Variants in ZNF407 observed in about 807,000 individuals in gnomAD.
The protein encoded by ZNF407 is zinc finger protein 407.
In ZNF407, 17 loss-of-function variants were observed where a neutral mutation model predicts 131.2. The ratio of observed to expected loss-of-function variants is 0.13; its 90% CI spans 0.09 to 0.19. The LOEUF is 0.19. Ranked by LOEUF, ZNF407 falls within the 10% of genes least tolerant of loss-of-function variation. The pLI is 1.00. For missense variants in ZNF407, 2,681 were observed against 2,830.6 expected, an observed-to-expected ratio of 0.95 and a Z score of 1.20; for synonymous variants, 1,156 against 1,062.0, an observed-to-expected ratio of 1.09 and a Z score of -1.72.
At chr18:75,020,517 G>A (rs1973097890) in intron 8 of ZNF407, among the ~76,000 whole-genome samples, 1 of 152,104 alleles carries the variant, frequency 6.6e-6, no homozygotes, top group Non-Finnish European at 1.5e-5. Context: ...AAAGTTATCT[G>A]CTGCTCATAA....
At chr18:74,779,823 T>C (rs1221218048) in intron 3 of ZNF407, among the ~76,000 whole-genome samples, 1 of 152,182 alleles carries the variant, frequency 6.6e-6, no homozygotes, top group East Asian at 1.9e-4. Context: ...TACTTGGTCG[T>C]GTAAATAAGC....
chr18:74,621,637 G>C (rs1465148008), intron 1 of ZNF407, among the ~76,000 whole-genome samples: 2 of 152,052 alleles, frequency 1.3e-5, no homozygotes. Flanking sequence ...CCTAGGGGAG[G>C]GCATGCAGGA....
chr18:74,972,529 C>T (rs1028013501), intron 8 of ZNF407, among the ~76,000 whole-genome samples: 2 of 152,224 alleles, frequency 1.3e-5, no homozygotes, highest in South Asian at 2.1e-4. Context: ...TATCTGATCA[C>T]GTCTAGTCTG....
intron 3 of ZNF407, among the ~76,000 whole-genome samples, chr18:74,761,648 C>T (rs1442002421): frequency 2.6e-5 from 4 of 152,030 alleles, no homozygotes; most frequent in Non-Finnish European, 4.4e-5. Context: ...AGCTTTTAGG[C>T]CTGTTGCTGT....
chr18:74,895,021 G>C (rs1224656764), intron 7 of ZNF407, among the ~76,000 whole-genome samples: 1 of 151,562 alleles, frequency 6.6e-6, no homozygotes, highest in African/African-American at 2.4e-5. Context: ...TCATAACCCT[G>C]AGTAGAAAGT....
chr18:74,807,137 G>T (rs1488724445), intron 4 of ZNF407, among the ~76,000 whole-genome samples: 1 of 152,130 alleles, frequency 6.6e-6, no homozygotes, highest in Non-Finnish European at 1.5e-5. Context: ...AGGCTTTTCG[G>T]GCAAATTAGC....
intron 4 of ZNF407, among the ~76,000 whole-genome samples, chr18:74,844,132 C>G (rs940437186): frequency 2.0e-5 from 3 of 152,168 alleles, no homozygotes; most frequent in African/African-American, 7.2e-5. Flanking sequence ...CTCTACTGCC[C>G]TGCTCCTCTA....
chr18:74,916,640 G>GTA (rs1212288430), intron 7 of ZNF407, among the ~76,000 whole-genome samples: 10 of 140,504 alleles, frequency 7.1e-5, no homozygotes, highest in Non-Finnish European at 1.1e-4. Context: ...GTGTGTGTGT[G>GTA]TGTGTGTGTG....
chr18:74,880,555 T>A (rs954894355), intron 5 of ZNF407, among the ~76,000 whole-genome samples: 5 of 152,170 alleles, frequency 3.3e-5, no homozygotes, highest in African/African-American at 1.2e-4. Context: ...AAGGAAGTGA[T>A]TAAGGAAGAC....
At chr18:74,647,532 A>G (rs1197125626) in intron 3 of ZNF407, among the ~76,000 whole-genome samples, 1 of 151,630 alleles carries the variant, frequency 6.6e-6, no homozygotes, top group Non-Finnish European at 1.5e-5. Flanking sequence ...CATTCTCCTG[A>G]TTTCCTTTGC....
intron 3 of ZNF407, among the ~76,000 whole-genome samples, chr18:74,656,962 G>A (rs1254221678): frequency 6.6e-6 from 1 of 151,756 alleles, no homozygotes; most frequent in Admixed American, 6.6e-5. Context: ...ATACTGTGTT[G>A]TATTGCTTAT....
chr18:74,612,607 G>A lies in ZNF407; in HGVS notation c.-54+14670G>A, dbSNP rs538959098. On this transcript the variant is annotated intron_variant, in intron 1 of 8. Transcript: ENST00000299687. ...AGATATGAAAAAGAAGACTGGATTC[G>A]ATGATAATTATTAATACTTACTGAG... is the stretch of plus-strand genomic sequence containing the variant. 2.9e-4 allele frequency among the ~76,000 whole-genome samples: 44 copies of A among 152,170 alleles called. No individual in the cohort carries two copies. In the South Asian group the frequency reaches 8.9e-3, roughly 31 times the overall value.
intron 1 of ZNF407, among the ~76,000 whole-genome samples, chr18:74,599,346 T>G (rs1325536907): frequency 6.6e-6 from 1 of 152,168 alleles, no homozygotes; most frequent in Non-Finnish European, 1.5e-5. Flanking sequence ...AAATTAAGAT[T>G]TACAGAAAAG....
At chr18:75,032,380 A>G (rs889514055) in intron 8 of ZNF407, among the ~76,000 whole-genome samples, 7 of 152,132 alleles carry the variant, frequency 4.6e-5, no homozygotes, top group Non-Finnish European at 1.0e-4. Flanking sequence ...CTGCTTTTCC[A>G]TGTTGACTGT....
intron 8 of ZNF407, among the ~76,000 whole-genome samples, chr18:74,990,346 A>C (rs946273261): frequency 6.6e-6 from 1 of 152,210 alleles, no homozygotes; most frequent in Non-Finnish European, 1.5e-5. Flanking sequence ...AGCCAAAGGA[A>C]TCTAAAATGC....
chr18:74,984,026 G>A (rs909057156), intron 8 of ZNF407, among the ~76,000 whole-genome samples: 6 of 152,210 alleles, frequency 3.9e-5, no homozygotes, highest in African/African-American at 1.2e-4. Flanking sequence ...GACAATTTCT[G>A]TCATATTACT....
intron 7 of ZNF407, among the ~76,000 whole-genome samples, chr18:74,916,976 T>C (rs1235343823): frequency 2.0e-5 from 3 of 151,490 alleles, no homozygotes; most frequent in African/African-American, 7.4e-5. Context: ...AACCTCTTCT[T>C]CTTCTTGGTA....
intron 8 of ZNF407, among the ~76,000 whole-genome samples, chr18:75,027,949 T>C (rs1973190487): frequency 6.6e-6 from 1 of 152,190 alleles, no homozygotes; most frequent in African/African-American, 2.4e-5. Context: ...AACACGCTGC[T>C]GCACTGTGCC....
chr18:74,722,903 TC>T (rs1968072499), intron 3 of ZNF407, among the ~76,000 whole-genome samples: 1 of 152,144 alleles, frequency 6.6e-6, no homozygotes, highest in African/African-American at 2.4e-5. Flanking sequence ...CATTTTTCTT[TC>T]CCCTTTTCTG....
Sources: allele counts gnomAD v4.1 joint callset (sites outside exome capture counted in the v4.1 genomes callset), GRCh38; gene constraint gnomAD v4.1.1; transcripts MANE v1.5; gene names NCBI Gene and HGNC (gene_info 2026-07-23, HGNC 2026-07-21).